DCC: variants seen among roughly 807,000 people sequenced by gnomAD.
DCC encodes the protein netrin receptor DCC.
In DCC, 58 loss-of-function variants were observed where a neutral mutation model predicts 172.5. That is an observed-to-expected ratio of 0.34 (90% CI 0.27 to 0.42). DCC has a LOEUF of 0.42. Ranked by LOEUF, DCC falls within the 10% of genes least tolerant of loss-of-function variation. The pLI, the probability that DCC is intolerant of heterozygous loss-of-function variation, is 1.00. For missense variants in DCC, 1,740 were observed against 1,791.0 expected, an observed-to-expected ratio of 0.97 and a Z score of 0.51; for synonymous variants, 709 against 644.5, an observed-to-expected ratio of 1.10 and a Z score of -1.52.
At chr18:52,647,281 G>A (rs1409467379) in intron 1 of DCC, among the ~76,000 whole-genome samples, 4 of 152,158 alleles carry the variant, frequency 2.6e-5, no homozygotes, top group Non-Finnish European at 5.9e-5. Flanking sequence ...GCTCTCAGCT[G>A]CACCTTTCCA....
intron 1 of DCC, among the ~76,000 whole-genome samples, chr18:52,364,439 T>C (rs1158992192): frequency 6.6e-6 from 1 of 152,218 alleles, no homozygotes; most frequent in African/African-American, 2.4e-5. Flanking sequence ...AGTAAATAAA[T>C]TATATTGCAT....
chr18:52,656,987 C>G (rs1292221739), intron 1 of DCC, among the ~76,000 whole-genome samples: 1 of 152,068 alleles, frequency 6.6e-6, no homozygotes, highest in East Asian at 1.9e-4. Context: ...TTGAGAAACT[C>G]TTTATTCTAT....
At chr18:52,868,579 A>G (rs2039266397) in intron 2 of DCC, among the ~76,000 whole-genome samples, 1 of 152,166 alleles carries the variant, frequency 6.6e-6, no homozygotes. Flanking sequence ...GGACCAAGCT[A>G]ATTTGGGAAG....
At chr18:52,848,529 T>C (rs2038930224) in intron 2 of DCC, among the ~76,000 whole-genome samples, 1 of 152,256 alleles carries the variant, frequency 6.6e-6, no homozygotes, top group East Asian at 1.9e-4. Flanking sequence ...CGTATTTTTT[T>C]CCCATAGAAT....
At chr18:52,792,738 G>A (rs2037794461) in intron 2 of DCC, among the ~76,000 whole-genome samples, 1 of 9,200 alleles carries the variant, frequency 1.1e-4, no homozygotes, top group South Asian at 2.5e-3. Context: ...TGGAGGCTGA[G>A]GCAACCATTC....
chr18:52,549,781 ATTTAT>A (rs1427338746), intron 1 of DCC, among the ~76,000 whole-genome samples: 1 of 151,670 alleles, frequency 6.6e-6, no homozygotes. Context: ...TATGGCTAAC[ATTTAT>A]TTTATACTTT....
chr18:52,556,663 T>G (rs2032923045), intron 1 of DCC, among the ~76,000 whole-genome samples: 1 of 152,068 alleles, frequency 6.6e-6, no homozygotes, highest in African/African-American at 2.4e-5. Flanking sequence ...TGTACTAGCA[T>G]GTACAACAAT....
At chr18:52,713,549 A>T (rs1327133369) in intron 1 of DCC, among the ~76,000 whole-genome samples, 2 of 152,178 alleles carry the variant, frequency 1.3e-5, no homozygotes, top group Non-Finnish European at 2.9e-5. Flanking sequence ...AAGGCGTGAG[A>T]TACAGGGCAG....
intron 2 of DCC, among the ~76,000 whole-genome samples, chr18:52,802,254 G>A (rs2038003201): frequency 6.6e-6 from 1 of 152,002 alleles, no homozygotes; most frequent in Non-Finnish European, 1.5e-5. Flanking sequence ...TAGCTCTTTA[G>A]GTTTTAGTAT....
intron 1 of DCC, among the ~76,000 whole-genome samples, chr18:52,404,809 C>G (rs1177130338): frequency 4.1e-5 from 5 of 120,904 alleles, no homozygotes; most frequent in Admixed American, 2.9e-4. Context: ...CTATCCCTCC[C>G]CCCTCCCCCC....
intron 15 of DCC, among the ~76,000 whole-genome samples, chr18:53,343,270 T>C (rs577949969): frequency 5.3e-5 from 8 of 152,124 alleles, no homozygotes; most frequent in African/African-American, 1.9e-4. Flanking sequence ...AAAAATTTAG[T>C]CTTTACCATG....
intron 1 of DCC, among the ~76,000 whole-genome samples, chr18:52,426,526 G>T (rs1568165012): frequency 6.6e-6 from 1 of 151,902 alleles, no homozygotes; most frequent in Admixed American, 6.6e-5. Flanking sequence ...AACCCCCAAA[G>T]AAAGTGGACA....
At position 52,923,871 on chromosome 18, in the gene DCC, A is replaced by G; in HGVS notation, c.848+14A>G. Reference sequence around the variant, plus strand: ...CATCCAACTCAGGTATTTCACATTTAAGACTTTTTTGTAAAGTGTACTTTT... The same window carrying G: ...CATCCAACTCAGGTATTTCACATTTGAGACTTTTTTGTAAAGTGTACTTTT... On this transcript the variant is annotated intron_variant, in intron 4 of 28. Coordinates refer to ENST00000442544, the MANE Select transcript of DCC (RefSeq NM_005215.4). The G allele has an allele frequency of 1.2e-6, 2 of 1,605,702 alleles. No individual in the cohort carries two copies. The highest frequency in any genetic ancestry group is 1.3e-5 in the African/African-American group (1 of 74,844).
intron 17 of DCC, among the ~76,000 whole-genome samples, chr18:53,395,150 CAAA>C (rs35414902): frequency 8.8e-5 from 11 of 125,224 alleles, no homozygotes; most frequent in African/African-American, 9.9e-5. Context: ...AACTCCATCT[CAAA>C]AAAAAAAAAA....
chr18:53,524,573 A>C (rs2046434524), intron 27 of DCC, among the ~76,000 whole-genome samples: 1 of 152,148 alleles, frequency 6.6e-6, no homozygotes, highest in Admixed American at 6.6e-5. Context: ...TATTTTAAAA[A>C]TATTGGAATA....
chr18:53,511,020 TC>T, intron 27 of DCC, among the ~76,000 whole-genome samples: 2 of 152,342 alleles, frequency 1.3e-5, no homozygotes, highest in South Asian at 2.1e-4. Flanking sequence ...TTTGAACAAG[TC>T]CTTTATCTTC....
At chr18:53,462,100 GC>G (rs1399520166) in intron 24 of DCC, among the ~76,000 whole-genome samples, 3 of 152,150 alleles carry the variant, frequency 2.0e-5, no homozygotes, top group Admixed American at 1.3e-4. Flanking sequence ...GTTCTTCATA[GC>G]TTTTGTGGAC....
intron 2 of DCC, among the ~76,000 whole-genome samples, chr18:52,792,255 CCA>C (rs931342129): frequency 2.6e-5 from 4 of 152,148 alleles, no homozygotes; most frequent in Non-Finnish European, 5.9e-5. Flanking sequence ...TGAGCTATAT[CCA>C]CAGTTACTAC....
chr18:53,020,672 C>T (rs2041867672), intron 5 of DCC, among the ~76,000 whole-genome samples: 1 of 152,148 alleles, frequency 6.6e-6, no homozygotes, highest in Non-Finnish European at 1.5e-5. Context: ...ACTATAATTG[C>T]ATCTTCTCAT....
Sources: allele counts gnomAD v4.1 joint callset (sites outside exome capture counted in the v4.1 genomes callset), GRCh38; gene constraint gnomAD v4.1.1; transcripts MANE v1.5; gene names NCBI Gene and HGNC (gene_info 2026-07-23, HGNC 2026-07-21).